NDUFS1: variants seen among roughly 807,000 people sequenced by gnomAD.
The protein encoded by NDUFS1 is NADH:ubiquinone oxidoreductase core subunit S1.
Under a neutral mutation model 84.4 loss-of-function variants are expected in NDUFS1, and 61 were observed. That is an observed-to-expected ratio of 0.72 (90% CI 0.59 to 0.89). NDUFS1 has a LOEUF of 0.89. Among genes scored for constraint, NDUFS1 ranks in the 40% least tolerant of loss-of-function variants. NDUFS1 has a pLI of 0.00. For missense variants in NDUFS1, 891 were observed against 890.0 expected, an observed-to-expected ratio of 1.00 and a Z score of -0.01; for synonymous variants, 275 against 290.0, an observed-to-expected ratio of 0.95 and a Z score of 0.53.
At chr2:206,125,630 G>C (rs2105942289) in intron 18 of NDUFS1, among the ~76,000 whole-genome samples, 1 of 151,830 alleles carries the variant, frequency 6.6e-6, no homozygotes, top group Non-Finnish European at 1.5e-5. Flanking sequence ...TCTTGATAGT[G>C]GGAGGGTAGT....
At chr2:206,127,636 C>T (rs2105945016) in intron 16 of NDUFS1, 161 bp downstream of exon 16, 3 of 768,962 alleles carry the variant, frequency 3.9e-6, no homozygotes, top group South Asian at 1.7e-5. Flanking sequence ...TCACTGTAAC[C>T]TTGAATTCCT....
chr2:206,133,110 T>TA lies in NDUFS1; in HGVS notation c.1393-6_1393-5insT, dbSNP rs1333684929. ...TTTTTTAGCTTCCTTTAGGACCTAT[T>TA]TAAAAAAAAAAACAACTTTGATTTT... On this transcript the variant is annotated splice_polypyrimidine_tract_variant and splice_region_variant and intron_variant, in intron 13 of 18. Coordinates refer to ENST00000233190, the MANE Select transcript of NDUFS1 (RefSeq NM_005006.7). 6 of 1,593,804 alleles carry TA rather than the reference T, an allele frequency of 3.8e-6. No individual in the cohort carries two copies. Among genetic ancestry groups the TA allele is most frequent in the Admixed American group, 1.8e-5 (1 of 56,500 alleles).
At chr2:206,147,948 C>T (rs1055356580) in intron 5 of NDUFS1, 114 bp from the exon 6 acceptor site, 24 of 937,504 alleles carry the variant, frequency 2.6e-5, no homozygotes, top group Non-Finnish European at 3.8e-5. Flanking sequence ...GATGGTGTCT[C>T]GCTCTGTTGC....
chr2:206,157,527 T>C (rs1202194192), intron 1 of NDUFS1, among the ~76,000 whole-genome samples: 1 of 152,186 alleles, frequency 6.6e-6, no homozygotes, highest in African/African-American at 2.4e-5. Flanking sequence ...ATGGCATAAA[T>C]ATAAACCTAA....
At chr2:206,127,713 C>T in intron 16 of NDUFS1, 84 bp downstream of exon 16, 2 of 1,438,540 alleles carry the variant, frequency 1.4e-6, no homozygotes, top group South Asian at 1.2e-5. Context: ...TGGCATCTTC[C>T]TTGACTTTGA....
At chr2:206,156,179 C>T (rs574544667) in intron 1 of NDUFS1, among the ~76,000 whole-genome samples, 85 of 148,504 alleles carry the variant, frequency 5.7e-4, no homozygotes, top group African/African-American at 2.1e-3. Flanking sequence ...AGGAGAATGG[C>T]GTGAACCCGG....
At chr2:206,153,194 T>C (rs1692442502) in intron 2 of NDUFS1, among the ~76,000 whole-genome samples, 2 of 151,696 alleles carry the variant, frequency 1.3e-5, no homozygotes, top group African/African-American at 4.8e-5. Flanking sequence ...CATTTGTTTC[T>C]TCTTTTTTTT....
chr2:206,154,443 A>G (rs1241901430), intron 1 of NDUFS1, among the ~76,000 whole-genome samples: 1 of 152,204 alleles, frequency 6.6e-6, no homozygotes, highest in Non-Finnish European at 1.5e-5. Flanking sequence ...TGGCTATTCT[A>G]CAATGTACAG....
chr2:206,127,758 C>A, intron 16 of NDUFS1, 39 bp downstream of exon 16: 1 of 1,602,106 alleles, frequency 6.2e-7, no homozygotes, highest in Non-Finnish European at 8.5e-7. Context: ...TCAAATATGC[C>A]TTTAGTAGCA....
rs1256103671 is a variant in NDUFS1 at position 206,126,862 on chromosome 2, C to T, written c.1885-18G>A. 6.2e-7 allele frequency: 1 copy of T among 1,613,618 alleles called. No homozygotes were observed. The highest frequency in any genetic ancestry group is 8.5e-7 in the Non-Finnish European group (1 of 1,179,910). ...CCAGCAATCTACAACATGTCAGGTC[C>T]CCAAAAACAACAAAAAGCTTTAATA... On this transcript the variant is annotated intron_variant, in intron 16 of 18. Transcript: ENST00000233190.
chr2:206,125,411 A>G (rs906183209), intron 18 of NDUFS1, among the ~76,000 whole-genome samples: 4 of 152,030 alleles, frequency 2.6e-5, no homozygotes, highest in African/African-American at 7.2e-5. Flanking sequence ...GCAGCAAGCC[A>G]AGATTGTGCC....
At chr2:206,155,734 A>T (rs961382956) in intron 1 of NDUFS1, among the ~76,000 whole-genome samples, 18 of 141,830 alleles carry the variant, frequency 1.3e-4, no homozygotes, top group Non-Finnish European at 2.0e-4. Flanking sequence ...TTTATTTTTT[A>T]GTAGAGATGG....
intron 15 of NDUFS1, 79 bp from the exon 16 acceptor site, chr2:206,128,051 AT>A (rs1158900462): frequency 2.7e-5 from 39 of 1,439,922 alleles, no homozygotes; most frequent in Non-Finnish European, 3.6e-5. Context: ...AGTATATATC[AT>A]TTTAAATCCC....
At chr2:206,156,828 T>G (rs1484922455) in intron 1 of NDUFS1, among the ~76,000 whole-genome samples, 1 of 152,202 alleles carries the variant, frequency 6.6e-6, no homozygotes, top group Non-Finnish European at 1.5e-5. Context: ...GTTGGGTAAA[T>G]GAGTTTCTGG....
In NDUFS1 at chr2:206,116,595, C is replaced by G. The variant is rs575551074; in HGVS notation, c.*7590G>C. On this transcript the variant is annotated 3_prime_UTR_variant, in exon 19 of 19. Coordinates refer to ENST00000233190, the MANE Select transcript of NDUFS1 (RefSeq NM_005006.7). ...CAGAAGTAAATTTCTTTATAAATTA[C>G]CCAGTCTGGGCCTGGTGTGTTGGCT... The G allele has an allele frequency of 1.9e-5, 10 of 535,792 alleles. No individual in the cohort carries two copies. The highest frequency in any genetic ancestry group is 3.0e-5 in the Non-Finnish European group (9 of 296,028). 33.2% of individuals were successfully genotyped at this position (535,792 alleles called of 1,614,324 possible).
At chr2:206,139,932 T>C (rs1328589733) in intron 12 of NDUFS1, among the ~76,000 whole-genome samples, 1 of 142,226 alleles carries the variant, frequency 7.0e-6, no homozygotes, top group Non-Finnish European at 1.5e-5. Context: ...CTAATTGTAA[T>C]GTATGACTCC....
At position 206,115,942 on chromosome 2, in the gene NDUFS1, C is replaced by A; in HGVS notation, c.*8243G>T. 1.5e-6 allele frequency: 1 copy of A among 662,676 alleles called. No individual in the cohort carries two copies. The highest frequency in any genetic ancestry group is 2.8e-6 in the Non-Finnish European group (1 of 362,306). The allele number at this position is 662,676 out of a possible 1,614,324, so 41.0% of individuals were successfully genotyped here. On this transcript the variant is annotated 3_prime_UTR_variant, in exon 19 of 19. Transcript: ENST00000233190. ...GACACATATTATGTTTATCTACAATCATTAGAAAGTTAAAAGGCATCTTCT... is the reference window on the plus strand; with the variant it reads ...GACACATATTATGTTTATCTACAATAATTAGAAAGTTAAAAGGCATCTTCT...
chr2:206,159,037 C>T, intron 1 of NDUFS1: 1 of 1,525,948 alleles, frequency 6.6e-7, no homozygotes, highest in Non-Finnish European at 8.8e-7. Flanking sequence ...CGGCCTCCTC[C>T]TCTGAGAGGG....
At position 206,119,907 on chromosome 2, in the gene NDUFS1, C is replaced by G. The variant is rs1455872466; in HGVS notation, c.*4278G>C. On this transcript the variant is annotated 3_prime_UTR_variant, in exon 19 of 19. Transcript: ENST00000233190. ...CCAAATCTCATGTTGAAATGTAACC[C>G]CCAATGCTGGAGGTAGGGCCTCGTG... The G allele has an allele frequency of 6.6e-6, 1 of 151,726 alleles. No homozygotes were observed. The highest frequency in any genetic ancestry group is 2.4e-5 in the African/African-American group (1 of 41,278). The allele number at this position is 151,726 out of a possible 1,614,324, so 9.4% of individuals were successfully genotyped here. A position where few individuals can be genotyped will look rare whatever the true frequency, so the allele number is the denominator to read the frequency against.
Sources: gnomAD v4.1 joint callset for allele counts (sites outside exome capture counted in the v4.1 genomes callset) on GRCh38, gnomAD v4.1.1 for gene constraint, MANE v1.5 for transcripts, NCBI Gene and HGNC (gene_info 2026-07-23, HGNC 2026-07-21) for gene names.